The following DLC1 variants were observed in gnomAD, a reference collection of about 807,000 sequenced individuals.
The protein encoded by DLC1 is rho GTPase-activating protein 7.
In DLC1, 54 loss-of-function variants were observed where a neutral mutation model predicts 140.3. The ratio of observed to expected loss-of-function variants is 0.38; its 90% CI spans 0.31 to 0.48. DLC1 has a LOEUF of 0.48. Ranked by LOEUF, DLC1 falls within the 20% of genes least tolerant of loss-of-function variation. The pLI, the probability that DLC1 is intolerant of heterozygous loss-of-function variation, is 0.96. For synonymous variants in DLC1, 986 were observed against 728.1 expected (o/e 1.35, Z -5.70); for missense variants, 2,536 against 1,907.0 (o/e 1.33, Z -6.14).
At chr8:13,207,532 A>ATC (rs1563164945) in intron 5 of DLC1, among the ~76,000 whole-genome samples, 1 of 152,212 alleles carries the variant, frequency 6.6e-6, no homozygotes, top group Non-Finnish European at 1.5e-5. Flanking sequence ...GTTATTCATT[A>ATC]TAACATTTAT....
chr8:13,116,637 T>G (rs1194411364), intron 5 of DLC1, among the ~76,000 whole-genome samples: 1 of 152,172 alleles, frequency 6.6e-6, no homozygotes, highest in Non-Finnish European at 1.5e-5. Context: ...GTGTAACACA[T>G]CTTATTTTTG....
chr8:13,348,819 A>G (rs1834495029), intron 4 of DLC1, among the ~76,000 whole-genome samples: 1 of 152,172 alleles, frequency 6.6e-6, no homozygotes, highest in Non-Finnish European at 1.5e-5. Context: ...AAGTAGGTGG[A>G]CTGTTGGCAG....
In DLC1 at chr8:13,095,163, C is replaced by T. The variant is rs774780095; in HGVS notation, c.3250G>A (p.Val1084Met). ...SVFGVPLTVN[V>M]QRTGQPLPQS... ...GGCAACGGTTGTCCTGTGCGCTGCA[C>T]GTTGACCGTCAGTGGGACCCCAAAC... The change falls in exon 11 of 18, where the codon GTG (valine) becomes ATG (methionine). Residue 1084 changes from valine to methionine, a missense_variant. Val to Met is a conservative substitution (Grantham distance 21). Transcript: ENST00000276297. 1.7e-5 allele frequency: 28 copies of T among 1,614,148 alleles called. No homozygotes were observed. The highest frequency in any genetic ancestry group is 1.6e-4 in the Middle Eastern group (1 of 6,084).
intron 2 of DLC1, among the ~76,000 whole-genome samples, chr8:13,410,451 C>G (rs748295773): frequency 1.3e-5 from 2 of 151,902 alleles, no homozygotes; most frequent in East Asian, 3.9e-4. Flanking sequence ...CCTCAAAAAT[C>G]CAAGAGAATA....
At chr8:13,127,468 C>T (rs1166110081) in intron 5 of DLC1, among the ~76,000 whole-genome samples, 2 of 152,196 alleles carry the variant, frequency 1.3e-5, no homozygotes, top group African/African-American at 2.4e-5. Flanking sequence ...ACATAAAATG[C>T]CCTTTCTGTG....
At chr8:13,098,369 C>T (rs753607192) in intron 10 of DLC1, 30 bp downstream of exon 10, 39 of 1,607,712 alleles carry the variant, frequency 2.4e-5, no homozygotes, top group African/African-American at 1.2e-4. Context: ...TCATTTTCAA[C>T]GACAGTTGAC....
chr8:13,398,649 C>T (rs1028211974), intron 3 of DLC1, among the ~76,000 whole-genome samples: 34 of 150,236 alleles, frequency 2.3e-4, no homozygotes, highest in African/African-American at 6.9e-4. Context: ...GCGATGCATG[C>T]CTGTAGTCCC....
chr8:13,432,937 T>C (rs1375055222), intron 2 of DLC1, among the ~76,000 whole-genome samples: 2 of 136,338 alleles, frequency 1.5e-5, no homozygotes, highest in Non-Finnish European at 3.1e-5. Context: ...GAGGTTCCTC[T>C]CTTCCTTTTT....
intron 4 of DLC1, among the ~76,000 whole-genome samples, chr8:13,318,432 C>G (rs1238524643): frequency 6.6e-6 from 1 of 152,134 alleles, no homozygotes; most frequent in Non-Finnish European, 1.5e-5. Flanking sequence ...ATTTAATTGA[C>G]CAAGATCTCA....
At chr8:13,187,764 G>A (rs1826469973) in intron 5 of DLC1, among the ~76,000 whole-genome samples, 1 of 152,158 alleles carries the variant, frequency 6.6e-6, no homozygotes, top group Non-Finnish European at 1.5e-5. Flanking sequence ...CCTCTGCAGA[G>A]GCACCACTAA....
intron 2 of DLC1, among the ~76,000 whole-genome samples, chr8:13,410,676 A>G (rs1356284782): frequency 1.3e-5 from 2 of 152,116 alleles, no homozygotes; most frequent in Non-Finnish European, 2.9e-5. Context: ...AAATGTCACC[A>G]AAGAATGTAA....
At chr8:13,285,948 A>G (rs573391000) in intron 5 of DLC1, among the ~76,000 whole-genome samples, 61 of 152,304 alleles carry the variant, frequency 4.0e-4, no homozygotes, top group African/African-American at 1.4e-3. Flanking sequence ...TACTTGGTAC[A>G]TGAGAGAATT....
intron 5 of DLC1, among the ~76,000 whole-genome samples, chr8:13,155,704 C>A (rs1389888068): frequency 1.3e-5 from 2 of 152,016 alleles, no homozygotes; most frequent in Non-Finnish European, 2.9e-5. Flanking sequence ...GAATTACCCC[C>A]AAATCTGAGG....
intron 4 of DLC1, among the ~76,000 whole-genome samples, chr8:13,343,069 G>A (rs1396083273): frequency 2.6e-5 from 4 of 152,142 alleles, no homozygotes; most frequent in African/African-American, 9.7e-5. Flanking sequence ...GAAAAGCAGA[G>A]ATACTTATTT....
At chr8:13,134,545 G>A (rs965954157) in intron 5 of DLC1, among the ~76,000 whole-genome samples, 9 of 152,144 alleles carry the variant, frequency 5.9e-5, no homozygotes, top group African/African-American at 2.2e-4. Context: ...TTTAAATGGG[G>A]CAAATACAAA....
At position 13,189,130 on chromosome 8, in the gene DLC1, A is replaced by G. The variant is rs551294939; in HGVS notation, c.1349-73473T>C. Among the ~76,000 whole-genome samples, 14 of 152,222 alleles carry G rather than the reference A, an allele frequency of 9.2e-5. No individual in the cohort carries two copies. In the South Asian group the frequency reaches 2.7e-3, roughly 29 times the overall value. On this transcript the variant is annotated intron_variant, in intron 5 of 17. Coordinates refer to ENST00000276297, the MANE Select transcript of DLC1 (RefSeq NM_182643.3). ...AAAAGACATAGTTTTTCATGATAAA[A>G]TAATTGTAAGTATTTCAACTCTCTC...
intron 2 of DLC1, among the ~76,000 whole-genome samples, chr8:13,423,080 A>T (rs149336633): frequency 6.6e-6 from 1 of 152,208 alleles, no homozygotes; most frequent in African/African-American, 2.4e-5. Flanking sequence ...ATTGCAAAGC[A>T]CAGTGAAAGG....
At chr8:13,515,336 C>T (rs1241072224), upstream of DLC1, 1 of 152,150 alleles carries the variant, frequency 6.6e-6, no homozygotes, top group African/African-American at 2.4e-5. Flanking sequence ...TCCCTGAGAC[C>T]ATCTGTAAGT....
At chr8:13,385,130 T>G (rs1260797337) in intron 4 of DLC1, among the ~76,000 whole-genome samples, 1 of 152,142 alleles carries the variant, frequency 6.6e-6, no homozygotes, top group East Asian at 1.9e-4. Flanking sequence ...CCCTGATTTA[T>G]TTGGTTATTA....
Sources: allele counts gnomAD v4.1 joint callset (sites outside exome capture counted in the v4.1 genomes callset), GRCh38; gene constraint gnomAD v4.1.1; transcripts MANE v1.5; gene names NCBI Gene and HGNC (gene_info 2026-07-23, HGNC 2026-07-21).